The following CSMD1 variants were observed in gnomAD, a reference collection of about 807,000 sequenced individuals.
The protein encoded by CSMD1 is CUB and sushi domain-containing protein 1.
A neutral mutation model predicts 417.5 loss-of-function variants in CSMD1; 213 were observed. That is an observed-to-expected ratio of 0.51 (90% CI 0.46 to 0.57). The LOEUF (loss-of-function observed/expected upper bound fraction) is 0.57, where lower values mean the gene tolerates loss of function less well. CSMD1 is among the 20% of genes least tolerant of loss of function. The pLI is 0.00. For missense variants in CSMD1, 6,923 were observed against 4,529.7 expected (o/e 1.53, Z -15.17); for synonymous variants, 2,862 against 1,736.8 (o/e 1.65, Z -16.11).
chr8:4,640,864 A>AAC (rs1803148143), intron 1 of CSMD1, among the ~76,000 whole-genome samples: 1 of 15,406 alleles, frequency 6.5e-5, no homozygotes. Flanking sequence ...ATTATTGCTA[A>AAC]AAAAAAAAAA....
chr8:3,453,709 G>C (rs1366362107), intron 12 of CSMD1, among the ~76,000 whole-genome samples: 2 of 152,110 alleles, frequency 1.3e-5, no homozygotes, highest in East Asian at 1.9e-4. Context: ...TTTTACATTT[G>C]CTGAGGAGAG....
intron 2 of CSMD1, among the ~76,000 whole-genome samples, chr8:4,575,332 G>A (rs924082400): frequency 6.6e-6 from 1 of 152,124 alleles, no homozygotes; most frequent in Non-Finnish European, 1.5e-5. Flanking sequence ...CTGCAAAGTG[G>A]CAATAACAGG....
intron 5 of CSMD1, among the ~76,000 whole-genome samples, chr8:3,844,968 G>C (rs997415691): frequency 6.6e-6 from 1 of 152,252 alleles, no homozygotes; most frequent in African/African-American, 2.4e-5. Flanking sequence ...AGATTTTAAA[G>C]ATGTGATATG....
At chr8:4,305,503 C>T (rs1191424926) in intron 3 of CSMD1, among the ~76,000 whole-genome samples, 1 of 152,134 alleles carries the variant, frequency 6.6e-6, no homozygotes, top group Non-Finnish European at 1.5e-5. Flanking sequence ...CACTGCTTTC[C>T]CTGAGGGCAG....
At chr8:3,048,134 A>G (rs1238761893) in intron 50 of CSMD1, among the ~76,000 whole-genome samples, 1 of 152,192 alleles carries the variant, frequency 6.6e-6, no homozygotes, top group Non-Finnish European at 1.5e-5. Flanking sequence ...AACAATTTCT[A>G]TTTAGCTTTA....
intron 2 of CSMD1, among the ~76,000 whole-genome samples, chr8:4,612,434 G>A (rs559014178): frequency 9.2e-5 from 14 of 152,290 alleles, no homozygotes; most frequent in Admixed American, 2.6e-4. Flanking sequence ...GAAAATAATA[G>A]GGAAGATGCC....
In CSMD1 at chr8:4,086,450, T is replaced by G. The variant is rs561983333; in HGVS notation, c.416-54351A>C. On this transcript the variant is annotated intron_variant, in intron 3 of 69. Transcript: ENST00000635120. ...TATTTTCTTAAAATACTACTATTAC[T>G]ACACTCTAATTCATTAATTCGTTCT... 1.6e-3 allele frequency among the ~76,000 whole-genome samples: 240 copies of G among 152,342 alleles called. 3 individuals carry two copies. The highest frequency in any genetic ancestry group is 5.0e-4 in the Non-Finnish European group (34 of 68,034).
chr8:3,608,348 G>C (rs1168140363), intron 8 of CSMD1, among the ~76,000 whole-genome samples: 1 of 152,140 alleles, frequency 6.6e-6, no homozygotes, highest in African/African-American at 2.4e-5. Context: ...TGGAAGAAAA[G>C]AGAAAAGGGA....
At chr8:3,752,690 A>C (rs1001480829) in intron 6 of CSMD1, among the ~76,000 whole-genome samples, 4 of 66,330 alleles carry the variant, frequency 6.0e-5, no homozygotes, top group Non-Finnish European at 1.1e-4. Context: ...AAAAAAAAAA[A>C]AAAAAAAAAA....
chr8:4,762,835 G>T (rs1005616182), intron 1 of CSMD1, among the ~76,000 whole-genome samples: 23 of 152,170 alleles, frequency 1.5e-4, no homozygotes, highest in African/African-American at 5.1e-4. Flanking sequence ...GCGAAGAAAA[G>T]ATCTTTCTTT....
intron 3 of CSMD1, among the ~76,000 whole-genome samples, chr8:4,294,483 T>A (rs1210236580): frequency 6.6e-6 from 1 of 152,140 alleles, no homozygotes; most frequent in Non-Finnish European, 1.5e-5. Flanking sequence ...ATCTCTGTTG[T>A]TTCATTTAAC....
chr8:3,689,743 T>C (rs574724555), intron 7 of CSMD1, among the ~76,000 whole-genome samples: 1 of 152,130 alleles, frequency 6.6e-6, no homozygotes, highest in African/African-American at 2.4e-5. Context: ...GAAAACATGA[T>C]CACTAAATAA....
intron 3 of CSMD1, among the ~76,000 whole-genome samples, chr8:4,371,527 A>G (rs1351012538): frequency 6.6e-6 from 1 of 152,216 alleles, no homozygotes; most frequent in Non-Finnish European, 1.5e-5. Context: ...TTATGCAAAG[A>G]GACAATATCG....
intron 17 of CSMD1, among the ~76,000 whole-genome samples, chr8:3,388,739 T>G (rs999951250): frequency 6.6e-6 from 1 of 152,214 alleles, no homozygotes; most frequent in Non-Finnish European, 1.5e-5. Context: ...AGAATGTAAC[T>G]GTCCTTGCTG....
chr8:3,148,159 A>C (rs1818961685), intron 40 of CSMD1, among the ~76,000 whole-genome samples: 1 of 152,230 alleles, frequency 6.6e-6, no homozygotes, highest in East Asian at 1.9e-4. Context: ...GCAACATGAG[A>C]GATCAAAAAG....
At chr8:4,449,733 G>A (rs939303782) in intron 2 of CSMD1, among the ~76,000 whole-genome samples, 4 of 152,086 alleles carry the variant, frequency 2.6e-5, no homozygotes, top group Non-Finnish European at 4.4e-5. Flanking sequence ...GAATAGGGTC[G>A]GGTGTAGAAA....
intron 7 of CSMD1, among the ~76,000 whole-genome samples, chr8:3,656,292 T>C (rs1364680353): frequency 6.6e-6 from 1 of 152,120 alleles, no homozygotes; most frequent in Non-Finnish European, 1.5e-5. Context: ...AACACAGAAA[T>C]ACTCTCTCAG....
intron 3 of CSMD1, among the ~76,000 whole-genome samples, chr8:4,158,316 T>C (rs1043126945): frequency 2.6e-5 from 4 of 151,990 alleles, no homozygotes; most frequent in Admixed American, 6.6e-5. Context: ...GGAGGAAGGA[T>C]GCAATCATCT....
At chr8:4,186,440 A>G (rs1798680495) in intron 3 of CSMD1, among the ~76,000 whole-genome samples, 1 of 152,196 alleles carries the variant, frequency 6.6e-6, no homozygotes, top group Non-Finnish European at 1.5e-5. Flanking sequence ...TACAGAGCCC[A>G]GGTTTCCACC....
Sources: gnomAD v4.1 joint callset for allele counts (sites outside exome capture counted in the v4.1 genomes callset) on GRCh38, gnomAD v4.1.1 for gene constraint, MANE v1.5 for transcripts, NCBI Gene and HGNC (gene_info 2026-07-23, HGNC 2026-07-21) for gene names.